CNGB3: variants seen among roughly 807,000 people sequenced by gnomAD.
CNGB3 encodes cyclic nucleotide gated channel subunit beta 3.
In CNGB3, 86 loss-of-function variants were observed where a neutral mutation model predicts 92.8. The observed-to-expected ratio is 0.93, with a 90% CI of 0.78 to 1.11. The LOEUF (loss-of-function observed/expected upper bound fraction) is 1.11, where lower values mean the gene tolerates loss of function less well. CNGB3 is among the 50% of genes least tolerant of loss of function. The pLI is 0.00. For synonymous variants in CNGB3, 333 were observed against 332.7 expected, an observed-to-expected ratio of 1.00 and a Z score of -0.01; for missense variants, 1,026 against 956.8, an observed-to-expected ratio of 1.07 and a Z score of -0.95.
At chr8:86,589,358 A>C (rs1298571831) in intron 15 of CNGB3, among the ~76,000 whole-genome samples, 2 of 147,530 alleles carry the variant, frequency 1.4e-5, no homozygotes, top group Admixed American at 6.8e-5. Flanking sequence ...CTCTGATTTT[A>C]GTTATTTCTC....
intron 3 of CNGB3, among the ~76,000 whole-genome samples, chr8:86,687,949 G>A (rs554930318): frequency 2.6e-5 from 4 of 151,928 alleles, no homozygotes; most frequent in East Asian, 1.9e-4. Context: ...ATTCAATATC[G>A]AAATGAAAAA....
At chr8:86,588,490 C>G (rs2131543252) in intron 15 of CNGB3, among the ~76,000 whole-genome samples, 1 of 146,764 alleles carries the variant, frequency 6.8e-6, no homozygotes, top group East Asian at 2.0e-4. Flanking sequence ...ATAGATAGCT[C>G]TTATTATTTT....
intron 6 of CNGB3, chr8:86,659,200 T>A: frequency 1.4e-6 from 1 of 718,982 alleles, no homozygotes; most frequent in South Asian, 1.5e-5. Context: ...ATCGGCTGCA[T>A]CCTCTGCTAC....
chr8:86,604,806 T>C (rs572468545), intron 14 of CNGB3, among the ~76,000 whole-genome samples: 1 of 152,324 alleles, frequency 6.6e-6, no homozygotes, highest in East Asian at 1.9e-4. Flanking sequence ...CCCTAAGAAT[T>C]AAACTCCTGG....
intron 3 of CNGB3, among the ~76,000 whole-genome samples, chr8:86,693,039 G>A (rs1442830450): frequency 6.6e-6 from 1 of 152,134 alleles, no homozygotes; most frequent in Non-Finnish European, 1.5e-5. Context: ...TTTGTTTAAG[G>A]AGGTTAAAGA....
chr8:86,719,412 C>G (rs555802000), intron 3 of CNGB3, among the ~76,000 whole-genome samples: 1 of 152,214 alleles, frequency 6.6e-6, no homozygotes, highest in Admixed American at 6.5e-5. Flanking sequence ...AACTCGATCC[C>G]CTTTACAGTA....
rs1343118342 is a variant in CNGB3 at position 86,635,445 on chromosome 8, T to A, written c.1179-2552A>T. On this transcript the variant is annotated intron_variant, in intron 10 of 17. Transcript: ENST00000320005. Reference sequence around the variant, plus strand: ...TCTCCCATTTTCTTTTTTATGATTTTAAAAAATAACAATCAAATGTAAAAT... The same window carrying A: ...TCTCCCATTTTCTTTTTTATGATTTAAAAAAATAACAATCAAATGTAAAAT... 2.6e-5 allele frequency among the ~76,000 whole-genome samples: 4 copies of A among 152,236 alleles called. No homozygotes were observed. The East Asian group carries it at 5.8e-4, about 22-fold the overall frequency.
At chr8:86,713,592 C>T (rs315973) in intron 3 of CNGB3, among the ~76,000 whole-genome samples, 29,856 of 152,076 alleles carry the variant, frequency 0.2, 3,198 homozygotes, top group Middle Eastern at 0.37. Flanking sequence ...TTAAAATCAT[C>T]CATCCTATGA....
chr8:86,594,492 C>T (rs1010960267), intron 15 of CNGB3: 12 of 296,018 alleles, frequency 4.1e-5, no homozygotes, highest in Non-Finnish European at 5.9e-5. Context: ...GGACCCGACA[C>T]GTAGCTCTGG....
intron 6 of CNGB3, among the ~76,000 whole-genome samples, chr8:86,664,245 C>T (rs7819537): frequency 0.059 from 9,048 of 152,190 alleles, 893 homozygotes; most frequent in African/African-American, 0.2. Context: ...CAGAAAATGA[C>T]AATTATTTTA....
chr8:86,643,604 A>AT (rs1325134529), intron 10 of CNGB3, 147 bp downstream of exon 10: 11 of 832,378 alleles, frequency 1.3e-5, no homozygotes, highest in Non-Finnish European at 2.1e-5. Context: ...AAATGACATG[A>AT]TTTTATCCTT....
chr8:86,629,016 G>A lies in CNGB3; in HGVS notation c.1383C>T (p.Asp461=), dbSNP rs112847374. The A allele has an allele frequency of 8.3e-4, 1,340 of 1,614,016 alleles. 19 individuals are homozygous for A. In the South Asian group the frequency reaches 0.012, roughly 14 times the overall value. ...AGTAATTGTTCATGTAGGCAATGGT[G>A]TCATCCATGCAGGCGCGGAAGTAGT... ...NQNYFRACMD[D]TIAYMNNYSI... The change falls in exon 12 of 18, where the codon GAC becomes GAT. Residue 461 remains aspartate (D), a synonymous_variant. Transcript: ENST00000320005.
intron 15 of CNGB3, among the ~76,000 whole-genome samples, chr8:86,597,854 T>G (rs971720272): frequency 1.3e-5 from 2 of 152,052 alleles, no homozygotes; most frequent in African/African-American, 2.4e-5. Context: ...TGGCGAAACC[T>G]GTAATCCCAG....
intron 5 of CNGB3, 147 bp from the exon 6 acceptor site, chr8:86,667,280 C>G (rs1217925684): frequency 1.4e-6 from 1 of 717,698 alleles, no homozygotes; most frequent in Non-Finnish European, 2.5e-6. Context: ...ACCATTCTGC[C>G]TCTGGACTGT....
chr8:86,696,531 G>A (rs1166381778), intron 3 of CNGB3, among the ~76,000 whole-genome samples: 1 of 152,136 alleles, frequency 6.6e-6, no homozygotes, highest in Non-Finnish European at 1.5e-5. Flanking sequence ...GTGGTTCTTG[G>A]AGCAAAAGTT....
At chr8:86,603,984 G>T in intron 15 of CNGB3, 109 bp downstream of exon 15, 1 of 770,118 alleles carries the variant, frequency 1.3e-6, no homozygotes, top group Non-Finnish European at 2.3e-6. Context: ...AATGCTCTCA[G>T]CACAATCAAA....
intron 6 of CNGB3, chr8:86,657,333 G>A (rs2131605644): frequency 4.8e-6 from 2 of 412,882 alleles, no homozygotes; most frequent in South Asian, 3.9e-5. Flanking sequence ...TGGTGGGGAT[G>A]GAGCCTCTGG....
chr8:86,703,696 G>C (rs559163803), intron 3 of CNGB3, among the ~76,000 whole-genome samples: 174 of 152,304 alleles, frequency 1.1e-3, no homozygotes, highest in African/African-American at 4.1e-3. Flanking sequence ...ATAGGAGCCA[G>C]TGCTGGGGAG....
intron 3 of CNGB3, among the ~76,000 whole-genome samples, chr8:86,701,974 CTT>C (rs2131647568): frequency 6.6e-6 from 1 of 152,144 alleles, no homozygotes; most frequent in South Asian, 2.1e-4. Flanking sequence ...TTCTTTAAGT[CTT>C]TGTTTTATTT....
Sources: allele counts gnomAD v4.1 joint callset (sites outside exome capture counted in the v4.1 genomes callset), GRCh38; gene constraint gnomAD v4.1.1; transcripts MANE v1.5; gene names NCBI Gene and HGNC (gene_info 2026-07-23, HGNC 2026-07-21).